CNTN3: variants seen among roughly 807,000 people sequenced by gnomAD.
CNTN3 encodes contactin 3, also known as contactin-3.
In CNTN3, 60 loss-of-function variants were observed where a neutral mutation model predicts 119.1. The ratio of observed to expected loss-of-function variants is 0.50; its 90% CI spans 0.41 to 0.62. The LOEUF (loss-of-function observed/expected upper bound fraction) is 0.62. Among genes scored for constraint, CNTN3 ranks in the 20% least tolerant of loss-of-function variants. The pLI is 0.00. For synonymous variants in CNTN3, 450 were observed against 438.7 expected (o/e 1.03, Z -0.32); for missense variants, 1,101 against 1,242.4 (o/e 0.89, Z 1.71).
At chr3:74,560,888 G>A (rs1265180646) in intron 1 of CNTN3, among the ~76,000 whole-genome samples, 6 of 151,826 alleles carry the variant, frequency 4.0e-5, no homozygotes, top group Non-Finnish European at 7.4e-5. Context: ...CATGGATGAA[G>A]CTGGAAACCA....
At chr3:74,497,300 G>C (rs751573367) in intron 3 of CNTN3, among the ~76,000 whole-genome samples, 3 of 151,846 alleles carry the variant, frequency 2.0e-5, no homozygotes, top group Non-Finnish European at 2.9e-5. Context: ...GTGAAATATT[G>C]CCTAGCTGAA....
intron 1 of CNTN3, among the ~76,000 whole-genome samples, chr3:74,606,598 G>A (rs1704996926): frequency 1.3e-5 from 2 of 151,988 alleles, no homozygotes; most frequent in Non-Finnish European, 2.9e-5. Context: ...TCAGAAAAAT[G>A]CCCTAACTCT....
chr3:74,265,612 G>A (rs1373903284), intron 22 of CNTN3, among the ~76,000 whole-genome samples: 2 of 151,968 alleles, frequency 1.3e-5, no homozygotes, highest in Non-Finnish European at 2.9e-5. Flanking sequence ...GTCTAAGTAT[G>A]GCAGCCTTTA....
At chr3:74,376,710 T>C (rs956472066) in intron 5 of CNTN3, among the ~76,000 whole-genome samples, 2 of 152,054 alleles carry the variant, frequency 1.3e-5, no homozygotes, top group Non-Finnish European at 2.9e-5. Flanking sequence ...CCCCAGTCCA[T>C]GGAAAAAAAT....
At chr3:74,461,617 G>T (rs1409942912) in intron 4 of CNTN3, among the ~76,000 whole-genome samples, 1 of 152,030 alleles carries the variant, frequency 6.6e-6, no homozygotes, top group Non-Finnish European at 1.5e-5. Flanking sequence ...TCCCAAACTA[G>T]ATCCATTGAC....
At chr3:74,600,564 A>G (rs1348001630) in intron 1 of CNTN3, among the ~76,000 whole-genome samples, 1 of 152,048 alleles carries the variant, frequency 6.6e-6, no homozygotes, top group Admixed American at 6.6e-5. Flanking sequence ...GATTTTTTGA[A>G]TGAAAGTTAA....
chr3:74,434,903 C>T (rs1701841054), intron 4 of CNTN3, among the ~76,000 whole-genome samples: 1 of 152,136 alleles, frequency 6.6e-6, no homozygotes, highest in Non-Finnish European at 1.5e-5. Flanking sequence ...TTTCTGCATG[C>T]ATTTCAGATA....
intron 3 of CNTN3, among the ~76,000 whole-genome samples, chr3:74,498,889 T>A (rs1285231409): frequency 1.3e-5 from 2 of 151,910 alleles, no homozygotes; most frequent in African/African-American, 2.4e-5. Flanking sequence ...GAATGCAGCA[T>A]GTAATTTATA....
At chr3:74,380,116 T>A (rs111695664) in intron 5 of CNTN3, among the ~76,000 whole-genome samples, 9 of 152,328 alleles carry the variant, frequency 5.9e-5, no homozygotes, top group East Asian at 5.8e-4. Context: ...ATACAATGCA[T>A]TTCTTCTCTA....
intron 11 of CNTN3, among the ~76,000 whole-genome samples, chr3:74,344,290 T>A (rs1278897634): frequency 2.0e-5 from 3 of 152,152 alleles, no homozygotes; most frequent in Non-Finnish European, 4.4e-5. Context: ...TGCTGTTGAG[T>A]TCTTGCAAGA....
chr3:74,416,158 A>C (rs1701516838), intron 5 of CNTN3, among the ~76,000 whole-genome samples: 1 of 152,156 alleles, frequency 6.6e-6, no homozygotes, highest in Admixed American at 6.5e-5. Flanking sequence ...AGATATTCCC[A>C]GCCAGACAAT....
chr3:74,515,563 ATG>A (rs1703436324), intron 2 of CNTN3, among the ~76,000 whole-genome samples: 2 of 152,106 alleles, frequency 1.3e-5, no homozygotes, highest in Admixed American at 6.6e-5. Flanking sequence ...AACCATTAGT[ATG>A]TGTTCACTAT....
chr3:74,590,461 G>A (rs971962929), intron 1 of CNTN3, among the ~76,000 whole-genome samples: 7 of 152,088 alleles, frequency 4.6e-5, no homozygotes, highest in African/African-American at 1.2e-4. Context: ...GTGAATGAAT[G>A]TACAACACAG....
rs368774757 is a variant in CNTN3 at position 74,369,387 on chromosome 3, C to T, written c.762-14G>A. 12 of 1,569,260 alleles carry T rather than the reference C, an allele frequency of 7.6e-6. No individual in the cohort carries two copies. In the East Asian group the frequency reaches 9.3e-5, roughly 12 times the overall value. ...TGAGGTATGGGACTAAGAAGAAAAT[C>T]GTCAAGTTGTCTGCTATTGTCTGGA... is the stretch of plus-strand genomic sequence containing the variant. On this transcript the variant is annotated splice_polypyrimidine_tract_variant and intron_variant, in intron 7 of 22. Coordinates refer to ENST00000263665, the MANE Select transcript of CNTN3 (RefSeq NM_020872.3).
intron 9 of CNTN3, among the ~76,000 whole-genome samples, chr3:74,365,114 A>C (rs750085689): frequency 7.9e-5 from 12 of 152,250 alleles, no homozygotes; most frequent in South Asian, 2.1e-4. Flanking sequence ...CTTAGTATAC[A>C]AAAAAAGGGC....
intron 12 of CNTN3, among the ~76,000 whole-genome samples, chr3:74,335,655 G>A (rs778728399): frequency 3.1e-4 from 47 of 151,928 alleles, no homozygotes; most frequent in Non-Finnish European, 4.1e-4. Context: ...CCCAACCCCC[G>A]TCCTCACCAA....
Position 74,295,107 on chromosome 3 carries a change from G to A in CNTN3, c.2517+14C>T, listed in dbSNP as rs771917744. ...GGTAACACACATACACAATTTAATC[G>A]GAAAAGAAATTACCTCATAGCCCAG... On this transcript the variant is annotated intron_variant, in intron 19 of 22. Transcript: ENST00000263665. 1.2e-5 allele frequency: 19 copies of A among 1,528,354 alleles called. No individual in the cohort carries two copies. The highest frequency in any genetic ancestry group is 4.5e-5 in the East Asian group (2 of 44,282). The allele number at this position is 1,528,354 out of a possible 1,614,324, so 94.7% of individuals were successfully genotyped here.
At chr3:74,585,524 T>G (rs1054215203) in intron 1 of CNTN3, among the ~76,000 whole-genome samples, 2 of 152,116 alleles carry the variant, frequency 1.3e-5, no homozygotes, top group African/African-American at 4.8e-5. Flanking sequence ...TAAGTGACCA[T>G]CCTATATAGT....
intron 13 of CNTN3, among the ~76,000 whole-genome samples, chr3:74,315,399 A>G (rs1702804921): frequency 1.3e-5 from 2 of 152,044 alleles, no homozygotes; most frequent in Admixed American, 6.6e-5. Flanking sequence ...CTGTGGACTC[A>G]CCCTAAATTC....
Sources: allele counts gnomAD v4.1 joint callset (sites outside exome capture counted in the v4.1 genomes callset), GRCh38; gene constraint gnomAD v4.1.1; transcripts MANE v1.5; gene names NCBI Gene and HGNC (gene_info 2026-07-23, HGNC 2026-07-21).